Variants in PCSK2 observed in about 807,000 individuals in gnomAD.
PCSK2 encodes the protein proprotein convertase subtilisin/kexin type 2.
A neutral mutation model predicts 69.7 loss-of-function variants in PCSK2; 14 were observed. The observed-to-expected ratio is 0.20, with a 90% confidence interval of 0.13 to 0.31. PCSK2 has a LOEUF of 0.31. PCSK2 is among the 10% of genes least tolerant of loss of function. The pLI, the probability that PCSK2 is intolerant of heterozygous loss-of-function variation, is 1.00. For missense variants in PCSK2, 544 were observed against 842.5 expected (o/e 0.65, Z 4.39); for synonymous variants, 307 against 320.7 (o/e 0.96, Z 0.46).
chr20:17,417,715 A>T (rs2032031921), intron 6 of PCSK2, among the ~76,000 whole-genome samples: 2 of 152,154 alleles, frequency 1.3e-5, no homozygotes, highest in Non-Finnish European at 1.5e-5. Context: ...CCATGAGTGT[A>T]CGATATGTTT....
At chr20:17,301,412 G>C (rs1989078943) in intron 2 of PCSK2, among the ~76,000 whole-genome samples, 1 of 152,066 alleles carries the variant, frequency 6.6e-6, no homozygotes, top group Admixed American at 6.6e-5. Flanking sequence ...AAAAAGCAGT[G>C]GTTTGAAATC....
intron 2 of PCSK2, among the ~76,000 whole-genome samples, chr20:17,318,423 CA>C (rs571571508): frequency 3.3e-5 from 5 of 149,792 alleles, no homozygotes; most frequent in East Asian, 3.9e-4. Context: ...GTCCTATATC[CA>C]AAAAAAAATG....
At chr20:17,365,825 A>G (rs1441175276) in intron 4 of PCSK2, among the ~76,000 whole-genome samples, 1 of 152,250 alleles carries the variant, frequency 6.6e-6, no homozygotes, top group Admixed American at 6.5e-5. Context: ...TTCTGACTCT[A>G]TGTCCCACCT....
intron 2 of PCSK2, among the ~76,000 whole-genome samples, chr20:17,321,764 T>G (rs1021823239): frequency 1.3e-5 from 2 of 152,116 alleles, no homozygotes; most frequent in African/African-American, 4.8e-5. Context: ...GACTAACCTC[T>G]AATTGATTCC....
At chr20:17,474,796 A>G (rs918791619) in intron 11 of PCSK2, among the ~76,000 whole-genome samples, 1 of 150,100 alleles carries the variant, frequency 6.7e-6, no homozygotes, top group East Asian at 2.0e-4. Context: ...ATCTATCTTT[A>G]CAATAACTTC....
At chr20:17,434,720 G>A (rs762819927) in intron 7 of PCSK2, among the ~76,000 whole-genome samples, 7 of 152,156 alleles carry the variant, frequency 4.6e-5, no homozygotes, top group African/African-American at 1.4e-4. Flanking sequence ...TGCTTTGGCC[G>A]GGGTTGAATT....
intron 1 of PCSK2, among the ~76,000 whole-genome samples, chr20:17,244,773 G>A (rs1307198005): frequency 1.3e-5 from 2 of 152,170 alleles, no homozygotes; most frequent in Non-Finnish European, 2.9e-5. Flanking sequence ...AGGCATCTGT[G>A]ACTAGAATGT....
chr20:17,248,913 G>A (rs11087202), intron 1 of PCSK2, among the ~76,000 whole-genome samples: 72,249 of 151,862 alleles, frequency 0.48, 17,439 homozygotes, highest in East Asian at 0.68. Context: ...TTTACACTCA[G>A]GAGAGCTGGG....
intron 5 of PCSK2, among the ~76,000 whole-genome samples, chr20:17,377,100 G>A (rs146588577): frequency 2.0e-4 from 30 of 152,324 alleles, no homozygotes; most frequent in African/African-American, 7.0e-4. Flanking sequence ...TACGATTCGA[G>A]AGGTGAATAA....
At chr20:17,321,774 C>G (rs968491908) in intron 2 of PCSK2, among the ~76,000 whole-genome samples, 1 of 152,036 alleles carries the variant, frequency 6.6e-6, no homozygotes, top group Non-Finnish European at 1.5e-5. Flanking sequence ...TAATTGATTC[C>G]GACATTCCAA....
At position 17,482,866 on chromosome 20, in the gene PCSK2, C is replaced by G. The variant is rs141574927; in HGVS notation, c.*796C>G. ...TAGAGTTCATCCCAGCCCCAATTTT[C>G]TGGGGCTCCTCACATAGCTACCCAA... On this transcript the variant is annotated 3_prime_UTR_variant, in exon 12 of 12. Coordinates refer to ENST00000262545, the MANE Select transcript of PCSK2 (RefSeq NM_002594.5). The G allele has an allele frequency of 5.1e-4, 77 of 152,398 alleles. No homozygotes were observed. The highest frequency in any genetic ancestry group is 1.8e-3 in the African/African-American group (76 of 41,542). 9.4% of individuals were successfully genotyped at this position (152,398 alleles called of 1,614,324 possible).
At chr20:17,464,245 T>G (rs1032405673) in intron 10 of PCSK2, 1 of 152,162 alleles carries the variant, frequency 6.6e-6, no homozygotes, top group Non-Finnish European at 1.5e-5. Flanking sequence ...AAAATTTTCA[T>G]GGGCAGTCCC....
rs114338901 is a variant in PCSK2 at position 17,239,478 on chromosome 20, T to G, written c.177+11996T>G. 6.5e-3 allele frequency among the ~76,000 whole-genome samples: 982 copies of G among 152,220 alleles called. 12 individuals carry two copies. The highest frequency in any genetic ancestry group is 0.022 in the African/African-American group (924 of 41,532). On this transcript the variant is annotated intron_variant, in intron 1 of 11. Coordinates refer to ENST00000262545, the MANE Select transcript of PCSK2 (RefSeq NM_002594.5). Reference sequence around the variant, plus strand: ...GCAGAGGAGAAGGGACAGGGATCCTTGGAGAGTTGTGTCTTAAATGAGGTT... The same window carrying G: ...GCAGAGGAGAAGGGACAGGGATCCTGGGAGAGTTGTGTCTTAAATGAGGTT...
chr20:17,370,350 A>G (rs1198875233), intron 5 of PCSK2, among the ~76,000 whole-genome samples: 1 of 152,180 alleles, frequency 6.6e-6, no homozygotes, highest in Non-Finnish European at 1.5e-5. Flanking sequence ...TTGCACAAAG[A>G]AAGGGGGAAT....
At chr20:17,331,281 A>G (rs1208836402) in intron 2 of PCSK2, among the ~76,000 whole-genome samples, 2 of 152,224 alleles carry the variant, frequency 1.3e-5, no homozygotes, top group African/African-American at 2.4e-5. Context: ...CACGTTGGAC[A>G]TTATTAGATT....
At chr20:17,235,491 A>G (rs57627820) in intron 1 of PCSK2, among the ~76,000 whole-genome samples, 4,208 of 152,282 alleles carry the variant, frequency 0.028, 180 homozygotes, top group African/African-American at 0.094. Flanking sequence ...AAGAAAAGTG[A>G]ACAATATACA....
At chr20:17,334,389 C>G (rs77358228) in intron 2 of PCSK2, among the ~76,000 whole-genome samples, 1 of 152,124 alleles carries the variant, frequency 6.6e-6, no homozygotes, top group Non-Finnish European at 1.5e-5. Context: ...AATCAGAAAA[C>G]AGTGGGTTAA....
chr20:17,406,436 C>CAAAAT (rs1159779371), intron 5 of PCSK2, among the ~76,000 whole-genome samples: 2 of 151,886 alleles, frequency 1.3e-5, no homozygotes, highest in African/African-American at 4.8e-5. Flanking sequence ...GCAAAGGCAA[C>CAAAAT]AAAATAATTG....
chr20:17,365,575 C>T (rs2030562105), intron 4 of PCSK2, among the ~76,000 whole-genome samples: 1 of 152,164 alleles, frequency 6.6e-6, no homozygotes. Flanking sequence ...ATCTAAATAT[C>T]ATCTAAATCA....
Sources: gnomAD v4.1 joint callset for allele counts (sites outside exome capture counted in the v4.1 genomes callset) on GRCh38, gnomAD v4.1.1 for gene constraint, MANE v1.5 for transcripts, NCBI Gene and HGNC (gene_info 2026-07-23, HGNC 2026-07-21) for gene names.